Variants in GRID1 observed in about 807,000 individuals in gnomAD.
GRID1 encodes glutamate ionotropic receptor delta type subunit 1.
A neutral mutation model predicts 98.0 loss-of-function variants in GRID1; 28 were observed. That is an observed-to-expected ratio of 0.29 (90% CI 0.21 to 0.39). The LOEUF (loss-of-function observed/expected upper bound fraction) is 0.39. GRID1 is among the 10% of genes least tolerant of loss of function. The pLI, the probability that GRID1 is intolerant of heterozygous loss-of-function variation, is 1.00. For synonymous variants in GRID1, 553 were observed against 538.5 expected, an observed-to-expected ratio of 1.03 and a Z score of -0.37; for missense variants, 1,111 against 1,340.5, an observed-to-expected ratio of 0.83 and a Z score of 2.67.
chr10:86,286,345 C>T (rs543155810), intron 2 of GRID1, among the ~76,000 whole-genome samples: 5 of 152,112 alleles, frequency 3.3e-5, no homozygotes, highest in African/African-American at 1.2e-4. Flanking sequence ...CCAGGAAGGA[C>T]GCCTGAGGGA....
Position 86,366,690 on chromosome 10 carries a change from G to C in GRID1, c.-298C>G, listed in dbSNP as rs1400005581. 6.7e-6 allele frequency among the ~76,000 whole-genome samples: 1 copy of C among 149,490 alleles called. No individual in the cohort carries two copies. The highest frequency in any genetic ancestry group is 1.5e-5 in the Non-Finnish European group (1 of 66,636). ...CGCGGCTGTGGCAGCGGCGCTTCCC[G>C]CGGCTAGAGCGGCTTCGGGGGAGGC... On this transcript the variant is annotated 5_prime_UTR_variant, in exon 1 of 16. Coordinates refer to ENST00000327946, the MANE Select transcript of GRID1 (RefSeq NM_017551.3). The surrounding 1 kb of genome is among the most constrained non-coding windows in gnomAD (Gnocchi z 4.1).
intron 8 of GRID1, among the ~76,000 whole-genome samples, chr10:85,741,263 T>C (rs1036518498): frequency 2.0e-5 from 3 of 152,198 alleles, no homozygotes; most frequent in Non-Finnish European, 2.9e-5. Context: ...CTGATTTACT[T>C]AGAGTGGTTG....
At chr10:86,336,470 C>G (rs952202524) in intron 2 of GRID1, among the ~76,000 whole-genome samples, 22 of 152,150 alleles carry the variant, frequency 1.4e-4, no homozygotes, top group African/African-American at 4.8e-4. Flanking sequence ...CTCTAGAGCC[C>G]AAGCAGGCAG....
chr10:86,145,008 T>C (rs769529113), intron 3 of GRID1, among the ~76,000 whole-genome samples: 14 of 152,190 alleles, frequency 9.2e-5, no homozygotes, highest in Admixed American at 1.3e-4. Flanking sequence ...CTCTAATACA[T>C]TCCACAAGAA....
At chr10:85,932,940 T>C (rs1841876421) in intron 4 of GRID1, among the ~76,000 whole-genome samples, 1 of 152,164 alleles carries the variant, frequency 6.6e-6, no homozygotes, top group Admixed American at 6.5e-5. Context: ...ACTCCAAAAC[T>C]TCTTATATAG....
At chr10:85,821,589 C>G (rs1275627716) in intron 8 of GRID1, among the ~76,000 whole-genome samples, 2 of 140,498 alleles carry the variant, frequency 1.4e-5, no homozygotes, top group African/African-American at 2.7e-5. Flanking sequence ...TAGAGGGAGA[C>G]ATGGATTGCA....
At chr10:85,733,907 CCTT>C (rs1443653410) in intron 8 of GRID1, among the ~76,000 whole-genome samples, 1 of 152,078 alleles carries the variant, frequency 6.6e-6, no homozygotes, top group African/African-American at 2.4e-5. Context: ...ATCATTATTA[CCTT>C]CTTTATCCTC....
chr10:85,824,905 T>C (rs1013198018), intron 8 of GRID1, among the ~76,000 whole-genome samples: 9 of 152,372 alleles, frequency 5.9e-5, no homozygotes, highest in Middle Eastern at 3.4e-3. Flanking sequence ...CTCAGTAGTA[T>C]GCCACACTAT....
chr10:85,990,051 G>A (rs1842661227), intron 4 of GRID1, among the ~76,000 whole-genome samples: 1 of 152,156 alleles, frequency 6.6e-6, no homozygotes, highest in Non-Finnish European at 1.5e-5. Context: ...TTGGATCTAG[G>A]ACCAGTCTCC....
At chr10:86,274,906 C>T (rs1847245876) in intron 2 of GRID1, among the ~76,000 whole-genome samples, 1 of 151,858 alleles carries the variant, frequency 6.6e-6, no homozygotes, top group African/African-American at 2.4e-5. Flanking sequence ...CCTTTATTTC[C>T]TTCTCCTGCC....
chr10:85,815,943 C>T lies in GRID1; in HGVS notation c.1233+38553G>A, dbSNP rs1842712188. ...TAGTCATTAGTTAAATGCAAATTAA[C>T]ACCTCAATTAGGTACTACTATATAT... is the stretch of plus-strand genomic sequence containing the variant. On this transcript the variant is annotated intron_variant, in intron 8 of 15. Coordinates refer to ENST00000327946, the MANE Select transcript of GRID1 (RefSeq NM_017551.3). Among the ~76,000 whole-genome samples the T allele has an allele frequency of 5.3e-5, 8 of 151,904 alleles. No homozygotes were observed. The South Asian group carries it at 1.7e-3, about 32-fold the overall frequency.
intron 3 of GRID1, among the ~76,000 whole-genome samples, chr10:86,199,744 C>T (rs550727037): frequency 8.5e-5 from 13 of 152,140 alleles, no homozygotes; most frequent in Non-Finnish European, 1.5e-4. Context: ...CTAGCTTAGA[C>T]TCTGGGACTG....
chr10:85,999,010 C>T (rs7086163), intron 4 of GRID1, among the ~76,000 whole-genome samples: 9,639 of 152,132 alleles, frequency 0.063, 384 homozygotes, highest in East Asian at 0.16. Flanking sequence ...ATCGGGAGTT[C>T]GAGACCAGTC....
At chr10:85,955,602 T>G (rs1211495640) in intron 4 of GRID1, among the ~76,000 whole-genome samples, 1 of 152,172 alleles carries the variant, frequency 6.6e-6, no homozygotes, top group Non-Finnish European at 1.5e-5. Context: ...CTTCCAGGCC[T>G]CCAGCTGTGC....
intron 2 of GRID1, among the ~76,000 whole-genome samples, chr10:86,349,414 G>A (rs552307396): frequency 6.6e-5 from 10 of 152,034 alleles, no homozygotes; most frequent in East Asian, 3.9e-4. Flanking sequence ...ACCCTCTCCC[G>A]CCCACACAGG....
chr10:86,024,255 C>T lies in GRID1; in HGVS notation c.727-108016G>A, dbSNP rs147209276. Among the ~76,000 whole-genome samples, 465 of 152,272 alleles carry T rather than the reference C, an allele frequency of 3.1e-3. 2 individuals are homozygous for T. The highest frequency in any genetic ancestry group is 0.011 in the African/African-American group (439 of 41,556). ...TATTTCCTCTTTCCCATTCTTCTTCCGCTATCACCCAGCCGTCTGGTGCAA... is the reference window on the plus strand; with the variant it reads ...TATTTCCTCTTTCCCATTCTTCTTCTGCTATCACCCAGCCGTCTGGTGCAA... On this transcript the variant is annotated intron_variant, in intron 4 of 15. Coordinates refer to ENST00000327946, the MANE Select transcript of GRID1 (RefSeq NM_017551.3).
At chr10:85,732,860 T>C (rs188811888) in intron 8 of GRID1, among the ~76,000 whole-genome samples, 8 of 152,328 alleles carry the variant, frequency 5.3e-5, no homozygotes, top group Admixed American at 3.9e-4. Context: ...CTTTAGTTTA[T>C]GTAGTTACAG....
chr10:85,985,008 G>A (rs1589324786), intron 4 of GRID1, among the ~76,000 whole-genome samples: 2 of 152,222 alleles, frequency 1.3e-5, no homozygotes, highest in South Asian at 2.1e-4. Context: ...GTTGTGGAGG[G>A]TTGACCTCTG....
At chr10:85,976,193 T>C (rs1842470409) in intron 4 of GRID1, among the ~76,000 whole-genome samples, 1 of 152,272 alleles carries the variant, frequency 6.6e-6, no homozygotes, top group South Asian at 2.1e-4. Flanking sequence ...TTTTTTTTGT[T>C]CTGTTTTCAA....
Sources: gnomAD v4.1 joint callset for allele counts (sites outside exome capture counted in the v4.1 genomes callset) on GRCh38, gnomAD v4.1.1 for gene constraint, Gnocchi (gnomAD v3.1) non-coding constraint, MANE v1.5 for transcripts, NCBI Gene and HGNC (gene_info 2026-07-23, HGNC 2026-07-21) for gene names.